IFNAR2: variants seen among roughly 807,000 people sequenced by gnomAD.
IFNAR2 encodes the protein interferon alpha/beta receptor 2.
In IFNAR2, 30 loss-of-function variants were observed where a neutral mutation model predicts 49.4. The observed-to-expected ratio is 0.61, with a 90% CI of 0.45 to 0.82. The LOEUF (loss-of-function observed/expected upper bound fraction) is 0.82, where lower values mean the gene tolerates loss of function less well. Among genes scored for constraint, IFNAR2 ranks in the 40% least tolerant of loss-of-function variants. The probability of loss-of-function intolerance (pLI) is 0.00; values close to 1 mark genes in which losing one functional copy is unlikely to be tolerated. For missense variants in IFNAR2, 600 were observed against 622.7 expected (o/e 0.96, Z 0.39); for synonymous variants, 224 against 234.5 (o/e 0.96, Z 0.41).
At chr21:33,234,224 T>TGTGTGTGTGTGTGTGTG (rs1986278711) in intron 1 of IFNAR2, among the ~76,000 whole-genome samples, 5 of 151,412 alleles carry the variant, frequency 3.3e-5, no homozygotes, top group South Asian at 2.1e-4. Flanking sequence ...TGTGTGTGTG[T>TGTGTGTGTGTGTGTGTG]TTATGCATAG....
intron 1 of IFNAR2, among the ~76,000 whole-genome samples, chr21:33,233,484 C>T (rs975238524): frequency 6.6e-6 from 1 of 152,064 alleles, no homozygotes; most frequent in Non-Finnish European, 1.5e-5. Flanking sequence ...GGAAGCACTA[C>T]GATATCTTAA....
rs1479500308 is a variant in IFNAR2 at position 33,251,830 on chromosome 21, C to T, written c.541-832C>T. On this transcript the variant is annotated intron_variant, in intron 6 of 8. Transcript: ENST00000342136. ...GGGCACAGTGGCTTACGCCTGTAATCCCAGCACTTTGGAAGGCCAAGGCAG... is the reference window on the plus strand; with the variant it reads ...GGGCACAGTGGCTTACGCCTGTAATTCCAGCACTTTGGAAGGCCAAGGCAG... The T allele has an allele frequency of 5.2e-6, 5 of 953,026 alleles. No homozygotes were observed. In the African/African-American group the frequency reaches 7.1e-5, roughly 14 times the overall value. 59.0% of individuals were successfully genotyped at this position (953,026 alleles called of 1,614,324 possible).
intron 7 of IFNAR2, among the ~76,000 whole-genome samples, chr21:33,258,740 A>G (rs1241367545): frequency 6.6e-6 from 1 of 152,186 alleles, no homozygotes; most frequent in Non-Finnish European, 1.5e-5. Context: ...GAGTGAACTG[A>G]ACAAGGGAAG....
In IFNAR2 at chr21:33,246,072, AT is replaced by A. The variant is rs35111583; in HGVS notation, c.222-630del. ...CATTCATTCATTTACTCATCCGGCA[AT>A]TTTTTTTTTTTTTTTGAGACGGAGT... On this transcript the variant is annotated intron_variant, in intron 4 of 8. Transcript: ENST00000342136. Among the ~76,000 whole-genome samples the A allele has an allele frequency of 9.8e-3, 1,362 of 139,530 alleles. 42 individuals are homozygous for A. The highest frequency in any genetic ancestry group is 0.075 in the Admixed American group (1,042 of 13,902). 91.5% of individuals were successfully genotyped at this position (139,530 alleles called of 152,430 possible).
intron 7 of IFNAR2, among the ~76,000 whole-genome samples, chr21:33,259,723 A>T (rs1988440118): frequency 6.6e-6 from 1 of 152,202 alleles, no homozygotes. Context: ...TGGAACTGTC[A>T]TTGATATGAC....
chr21:33,244,480 G>A (rs1987237703), intron 3 of IFNAR2, among the ~76,000 whole-genome samples: 1 of 152,202 alleles, frequency 6.6e-6, no homozygotes. Context: ...GGGAATAAGT[G>A]AGCTGGGGAA....
At chr21:33,240,248 C>G (rs1396005181) in intron 1 of IFNAR2, among the ~76,000 whole-genome samples, 2 of 152,316 alleles carry the variant, frequency 1.3e-5, no homozygotes, top group Non-Finnish European at 1.5e-5. Context: ...TCTACTGTAC[C>G]TTTTCTGTGT....
chr21:33,264,711 C>T lies in IFNAR2; in HGVS notation c.*1211C>T, dbSNP rs1988861614. On this transcript the variant is annotated 3_prime_UTR_variant, in exon 9 of 9. Coordinates refer to ENST00000342136, the MANE Select transcript of IFNAR2 (RefSeq NM_001289125.3). The stretch of plus-strand genomic sequence containing the variant: ...TGGGCGGGGGAAGGGAAGTCTGGCC[C>T]GGAGCAATTGCTCCTGCCGGTAACC... 1 of 152,026 alleles carries T rather than the reference C, an allele frequency of 6.6e-6. No homozygotes were observed. Among genetic ancestry groups the T allele is most frequent in the African/African-American group, 2.4e-5 (1 of 41,362 alleles). 9.4% of individuals were successfully genotyped at this position (152,026 alleles called of 1,614,324 possible). A position where few individuals can be genotyped will look rare whatever the true frequency, so the allele number is the denominator to read the frequency against.
Position 33,240,485 on chromosome 21 carries a change from A to G in IFNAR2, c.-83-1355A>G, listed in dbSNP as rs190349646. ...GAACACAGCACTGTTCACAGTTGCA[A>G]AGATATGGAATCAACCTAAGTATCC... On this transcript the variant is annotated intron_variant, in intron 1 of 8. Coordinates refer to ENST00000342136, the MANE Select transcript of IFNAR2 (RefSeq NM_001289125.3). Among the ~76,000 whole-genome samples the G allele has an allele frequency of 6.2e-4, 95 of 152,312 alleles. No individual in the cohort carries two copies. In the Middle Eastern group the frequency reaches 0.014, roughly 22 times the overall value.
chr21:33,234,589 G>T (rs1245318161), intron 1 of IFNAR2, among the ~76,000 whole-genome samples: 1 of 152,192 alleles, frequency 6.6e-6, no homozygotes, highest in African/African-American at 2.4e-5. Flanking sequence ...AGGGTTGTTT[G>T]TCTGTCTAGG....
chr21:33,262,960 C>A lies in IFNAR2; in HGVS notation c.1008C>A (p.Gly336=). ...TEAAPRTSGG[G]YTMHGLTVRP... ...CAGCGCCCAGGACAAGTGGCGGTGG[C>A]TATACCATGCATGGACTGACTGTCA... Residue 336 remains glycine (G), a synonymous_variant, in exon 9 of 9, where the codon GGC becomes GGA. Coordinates refer to ENST00000342136, the MANE Select transcript of IFNAR2 (RefSeq NM_001289125.3). 1 of 1,614,162 alleles carries A rather than the reference C, an allele frequency of 6.2e-7. No homozygotes were observed. Among genetic ancestry groups the A allele is most frequent in the Middle Eastern group, 1.6e-4 (1 of 6,062 alleles).
rs112806971 is a variant in IFNAR2 at position 33,264,513 on chromosome 21, TAAAAAA to T, written c.*1021_*1026del. The T allele has an allele frequency of 7.2e-6, 1 of 139,494 alleles. No individual in the cohort carries two copies. The highest frequency in any genetic ancestry group is 1.6e-5 in the Non-Finnish European group (1 of 63,556). 8.6% of individuals were successfully genotyped at this position (139,494 alleles called of 1,614,324 possible). Reference sequence around the variant, plus strand: ...AAAACCTGAATGCCATATTTTAAGTTAAAAAAAAAAAAAGCAAACACAAAGATGCTT... The same window carrying T: ...AAAACCTGAATGCCATATTTTAAGTTAAAAAAAGCAAACACAAAGATGCTT... On this transcript the variant is annotated 3_prime_UTR_variant, in exon 9 of 9. Transcript: ENST00000342136.
At chr21:33,237,086 TG>T (rs1986528283) in intron 1 of IFNAR2, among the ~76,000 whole-genome samples, 2 of 151,350 alleles carry the variant, frequency 1.3e-5, no homozygotes, top group African/African-American at 4.9e-5. Context: ...GGGGTGTGTG[TG>T]TGTGTGTGTG....
At chr21:33,232,069 C>T (rs1209686657) in intron 1 of IFNAR2, among the ~76,000 whole-genome samples, 1 of 152,160 alleles carries the variant, frequency 6.6e-6, no homozygotes, top group African/African-American at 2.4e-5. Context: ...AATGCCATTG[C>T]TTATAAGATG....
chr21:33,260,714 T>G lies in IFNAR2; in HGVS notation c.827T>G (p.Leu276Arg). The G allele has an allele frequency of 6.6e-7, 1 of 1,521,850 alleles. No homozygotes were observed. The highest frequency in any genetic ancestry group is 1.4e-5 in the African/African-American group (1 of 70,858). 94.3% of individuals were successfully genotyped at this position (1,521,850 alleles called of 1,614,324 possible). The change falls in exon 8 of 9, where the codon CTC (leucine) becomes CGC (arginine). Residue 276 changes from leucine (L) to arginine (R), a missense_variant. By Grantham distance (102) the Leu-to-Arg change is moderately radical. Coordinates refer to ENST00000342136, the MANE Select transcript of IFNAR2 (RefSeq NM_001289125.3). ...GGTTATATATGCTTAAGAAATAGCC[T>G]CCCCAAAGTCTTGGTAGGTAGTTTT... is the stretch of plus-strand genomic sequence containing the variant. ...WIGYICLRNS[L>R]PKVLNFHNFL...
At position 33,230,169 on chromosome 21, in the gene IFNAR2, G is replaced by A. The variant is rs1415492386; in HGVS notation, c.-131G>A. On this transcript the variant is annotated 5_prime_UTR_variant, in exon 1 of 9. Coordinates refer to ENST00000342136, the MANE Select transcript of IFNAR2 (RefSeq NM_001289125.3). This position sits in a 1 kb window ranked among gnomAD's most constrained non-coding sequence, Gnocchi z 5.5. ...GGGTCCCAGAGCCGGGCGCGGCTGG[G>A]GCCCGAGGCTAGCATCTCTCGGGAG... The A allele has an allele frequency of 3.0e-6, 3 of 1,004,868 alleles. No individual in the cohort carries two copies. The South Asian group carries it at 1.1e-4, about 37-fold the overall frequency. 62.2% of individuals were successfully genotyped at this position (1,004,868 alleles called of 1,614,324 possible).
intron 1 of IFNAR2, among the ~76,000 whole-genome samples, chr21:33,240,911 G>A (rs1986872973): frequency 6.6e-6 from 1 of 152,108 alleles, no homozygotes; most frequent in South Asian, 2.1e-4. Flanking sequence ...GGAACTGGAG[G>A]CCATTATCTT....
intron 6 of IFNAR2, chr21:33,251,758 A>G: frequency 1.0e-6 from 1 of 985,400 alleles, no homozygotes; most frequent in Non-Finnish European, 1.2e-6. Context: ...CTGAAGTGAA[A>G]TGCAACTACA....
intron 3 of IFNAR2, among the ~76,000 whole-genome samples, chr21:33,244,300 C>T (rs1987223155): frequency 6.6e-6 from 1 of 152,292 alleles, no homozygotes; most frequent in South Asian, 2.1e-4. Context: ...TTTAATGTCT[C>T]ATTTATCACT....
Sources: allele counts gnomAD v4.1 joint callset (sites outside exome capture counted in the v4.1 genomes callset), GRCh38; gene constraint gnomAD v4.1.1; non-coding constraint Gnocchi (gnomAD v3.1); transcripts MANE v1.5; gene names NCBI Gene and HGNC (gene_info 2026-07-23, HGNC 2026-07-21).